The following SLIT1 variants were observed in gnomAD, a reference collection of about 807,000 sequenced individuals.
The protein encoded by SLIT1 is slit guidance ligand 1.
A neutral mutation model predicts 186.1 loss-of-function variants in SLIT1; 66 were observed. The ratio of observed to expected loss-of-function variants is 0.35; its 90% confidence interval spans 0.29 to 0.44. The LOEUF (loss-of-function observed/expected upper bound fraction) is 0.44. Among genes scored for constraint, SLIT1 ranks in the 20% least tolerant of loss-of-function variants. The pLI, the probability that SLIT1 is intolerant of heterozygous loss-of-function variation, is 1.00. For missense variants in SLIT1, 1,638 were observed against 2,037.4 expected (o/e 0.80, Z 3.77); for synonymous variants, 761 against 833.8 (o/e 0.91, Z 1.50).
chr10:97,110,179 A>G (rs1301162164), intron 4 of SLIT1, among the ~76,000 whole-genome samples: 1 of 152,236 alleles, frequency 6.6e-6, no homozygotes, highest in Non-Finnish European at 1.5e-5. Flanking sequence ...TTGAAACCAT[A>G]TAGAGGTGCC....
At chr10:97,140,174 C>T (rs909482069) in intron 4 of SLIT1, among the ~76,000 whole-genome samples, 2 of 152,078 alleles carry the variant, frequency 1.3e-5, no homozygotes, top group Non-Finnish European at 2.9e-5. Flanking sequence ...CCTGCCAAGG[C>T]GGGTGTCTCG....
rs1367069728 is a variant in SLIT1 at position 97,184,686 on chromosome 10, T to C, written c.197+792A>G. Among the ~76,000 whole-genome samples, 1 of 152,018 alleles carries C rather than the reference T, an allele frequency of 6.6e-6. No individual in the cohort carries two copies. Among genetic ancestry groups the C allele is most frequent in the East Asian group, 1.9e-4 (1 of 5,200 alleles). On this transcript the variant is annotated intron_variant, in intron 1 of 36. Transcript: ENST00000266058. The surrounding 1 kb of genome is among the most constrained non-coding windows in gnomAD (Gnocchi z 4.4). ...GTGAGACAGAACAGGGGAAGAGAAA[T>C]GCTATTTTTTTATTACTTGTCATGG...
At chr10:97,078,435 G>A (rs922694635) in intron 4 of SLIT1, among the ~76,000 whole-genome samples, 5 of 152,162 alleles carry the variant, frequency 3.3e-5, no homozygotes, top group Admixed American at 6.5e-5. Flanking sequence ...TTGAATGGCC[G>A]CAACATAAAA....
intron 4 of SLIT1, among the ~76,000 whole-genome samples, chr10:97,104,695 C>T (rs904732981): frequency 2.6e-5 from 4 of 152,192 alleles, no homozygotes; most frequent in African/African-American, 9.6e-5. Flanking sequence ...TCCCTGAATC[C>T]ACACATCTTC....
intron 23 of SLIT1, among the ~76,000 whole-genome samples, chr10:97,033,277 G>C (rs113405399): frequency 3.2e-4 from 48 of 152,220 alleles, no homozygotes; most frequent in Non-Finnish European, 6.6e-4. Flanking sequence ...GCTGGGTCAG[G>C]GCCCCTTCCT....
intron 25 of SLIT1, among the ~76,000 whole-genome samples, chr10:97,027,455 A>C (rs892865206): frequency 4.6e-5 from 7 of 152,222 alleles, no homozygotes; most frequent in Non-Finnish European, 1.5e-5. Context: ...CCTGGGTATA[A>C]AGGGCAGAGT....
intron 4 of SLIT1, among the ~76,000 whole-genome samples, chr10:97,069,686 A>T (rs921688353): frequency 8.5e-5 from 13 of 152,260 alleles, no homozygotes; most frequent in African/African-American, 2.6e-4. Context: ...ATGTGCAGAA[A>T]CCCAGAGACA....
intron 13 of SLIT1, among the ~76,000 whole-genome samples, chr10:97,053,516 C>T (rs1033005451): frequency 3.3e-5 from 5 of 152,168 alleles, no homozygotes; most frequent in Non-Finnish European, 5.9e-5. Context: ...TTTACTCAGC[C>T]TGTTTGGAAC....
chr10:97,000,940 G>T lies in SLIT1; in HGVS notation c.*172C>A. The T allele has an allele frequency of 1.6e-6, 1 of 606,324 alleles. No individual in the cohort carries two copies. Among genetic ancestry groups the T allele is most frequent in the Non-Finnish European group, 2.9e-6 (1 of 343,284 alleles). The allele number at this position is 606,324 out of a possible 1,614,324, so 37.6% of individuals were successfully genotyped here. On this transcript the variant is annotated 3_prime_UTR_variant, in exon 37 of 37. Coordinates refer to ENST00000266058, the MANE Select transcript of SLIT1 (RefSeq NM_003061.3). ...CCCACCCCCGCTGCCCCCAGCTATG[G>T]CGCAATTTGCTTTTAAAAGGCTGCT...
chr10:97,160,327 G>GA (rs1156732278), intron 3 of SLIT1, among the ~76,000 whole-genome samples: 3 of 152,182 alleles, frequency 2.0e-5, no homozygotes, highest in East Asian at 1.9e-4. Context: ...AATGCTAGTG[G>GA]AAAAAGAGTC....
At position 97,075,130 on chromosome 10, in the gene SLIT1, C is replaced by T. The variant is rs577273027; in HGVS notation, c.414-9044G>A. ...CTCTGGGCAGCCTGGCCTGTCCCCT[C>T]GGCCCCCTGCAGCCCGAGTGGTTAC... On this transcript the variant is annotated intron_variant, in intron 4 of 36. Coordinates refer to ENST00000266058, the MANE Select transcript of SLIT1 (RefSeq NM_003061.3). 1.3e-4 allele frequency among the ~76,000 whole-genome samples: 20 copies of T among 152,306 alleles called. No homozygotes were observed. In the South Asian group the frequency reaches 4.1e-3, roughly 32 times the overall value.
At chr10:97,094,732 C>T (rs1171698728) in intron 4 of SLIT1, among the ~76,000 whole-genome samples, 6 of 152,192 alleles carry the variant, frequency 3.9e-5, no homozygotes, top group South Asian at 2.1e-4. Flanking sequence ...AGTAAGAAGT[C>T]GGGGAATGCA....
intron 32 of SLIT1, among the ~76,000 whole-genome samples, chr10:97,005,943 T>C (rs1173856718): frequency 6.6e-6 from 1 of 152,180 alleles, no homozygotes; most frequent in East Asian, 1.9e-4. Flanking sequence ...TAAACCACTC[T>C]CCTCTCCATC....
chr10:97,130,989 A>G (rs2784935), intron 4 of SLIT1, among the ~76,000 whole-genome samples: 114,442 of 152,038 alleles, frequency 0.75, 43,334 homozygotes, highest in Non-Finnish European at 0.8. Context: ...CCTCGGCCAC[A>G]TGGACATTCT....
Position 97,004,834 on chromosome 10 carries a change from GT to G in SLIT1, c.3580-12del. ...CTCTGCCGTGGAGACCTGATGGGCA[GT>G]GGCACTTTCTCTCCCACCCCACCCC... is the stretch of plus-strand genomic sequence containing the variant. On this transcript the variant is annotated splice_polypyrimidine_tract_variant and intron_variant, in intron 32 of 36. Coordinates refer to ENST00000266058, the MANE Select transcript of SLIT1 (RefSeq NM_003061.3). This position sits in a 1 kb window ranked among gnomAD's most constrained non-coding sequence, Gnocchi z 5.1. The G allele has an allele frequency of 6.2e-7, 1 of 1,614,084 alleles. No individual in the cohort carries two copies. The highest frequency in any genetic ancestry group is 8.5e-7 in the Non-Finnish European group (1 of 1,179,958).
chr10:97,049,592 G>T (rs1167424809), intron 13 of SLIT1, among the ~76,000 whole-genome samples: 1 of 152,138 alleles, frequency 6.6e-6, no homozygotes, highest in African/African-American at 2.4e-5. Context: ...CATGGGCCCT[G>T]GTTTGTGCCC....
At chr10:97,096,901 T>G (rs992302434) in intron 4 of SLIT1, among the ~76,000 whole-genome samples, 6 of 152,220 alleles carry the variant, frequency 3.9e-5, no homozygotes, top group Non-Finnish European at 5.9e-5. Context: ...AAGCCCCTCC[T>G]GGGTGGCTTT....
chr10:97,149,689 T>C (rs1473239332), intron 4 of SLIT1, among the ~76,000 whole-genome samples: 1 of 152,170 alleles, frequency 6.6e-6, no homozygotes, highest in Admixed American at 6.5e-5. Context: ...AATCATACTC[T>C]AGTTCAAGGA....
intron 4 of SLIT1, among the ~76,000 whole-genome samples, chr10:97,134,074 C>A (rs540394644): frequency 6.6e-6 from 1 of 152,198 alleles, no homozygotes; most frequent in African/African-American, 2.4e-5. Flanking sequence ...CACCTCCCAG[C>A]GGGCAGCCCT....
Sources: allele counts gnomAD v4.1 joint callset (sites outside exome capture counted in the v4.1 genomes callset), GRCh38; gene constraint gnomAD v4.1.1; non-coding constraint Gnocchi (gnomAD v3.1); transcripts MANE v1.5; gene names NCBI Gene and HGNC (gene_info 2026-07-23, HGNC 2026-07-21).